The following SGCZ variants were observed in gnomAD, a reference collection of about 807,000 sequenced individuals.
SGCZ encodes the protein zeta-sarcoglycan.
A neutral mutation model predicts 41.3 loss-of-function variants in SGCZ; 40 were observed. The ratio of observed to expected loss-of-function variants is 0.97; its 90% CI spans 0.75 to 1.26. The LOEUF is 1.26. Ranked by LOEUF, SGCZ falls within the 50% of genes most tolerant of loss-of-function variation. The probability of loss-of-function intolerance (pLI) is 0.00; values close to 1 mark genes in which losing one functional copy is unlikely to be tolerated. For synonymous variants in SGCZ, 206 were observed against 137.5 expected, an observed-to-expected ratio of 1.50 and a Z score of -3.49; for missense variants, 552 against 369.8, an observed-to-expected ratio of 1.49 and a Z score of -4.04.
Position 14,339,233 on chromosome 8 carries a change from G to A in SGCZ, c.235-15029C>T, listed in dbSNP as rs573774581. On this transcript the variant is annotated intron_variant, in intron 2 of 7. Coordinates refer to ENST00000382080, the MANE Select transcript of SGCZ (RefSeq NM_139167.4). ...AGTATTTGTAAACAACAGTAATTGTGTGTAATCGCTCAAGGCCAGACAAAT... is the reference window on the plus strand; with the variant it reads ...AGTATTTGTAAACAACAGTAATTGTATGTAATCGCTCAAGGCCAGACAAAT... Among the ~76,000 whole-genome samples, 21 of 152,250 alleles carry A rather than the reference G, an allele frequency of 1.4e-4. No homozygotes were observed. In the South Asian group the frequency reaches 2.9e-3, roughly 21 times the overall value.
intron 3 of SGCZ, among the ~76,000 whole-genome samples, chr8:14,283,665 T>C (rs146632424): frequency 4.6e-5 from 7 of 152,314 alleles, no homozygotes; most frequent in African/African-American, 1.7e-4. Flanking sequence ...ATTTTGAACA[T>C]TGCAGAGATA....
intron 1 of SGCZ, among the ~76,000 whole-genome samples, chr8:15,021,810 A>G (rs1803259331): frequency 6.6e-6 from 1 of 152,194 alleles, no homozygotes; most frequent in Non-Finnish European, 1.5e-5. Flanking sequence ...CTGGAACTTA[A>G]AAATTAGCAT....
chr8:14,111,496 CAT>C (rs1802371304), intron 5 of SGCZ, among the ~76,000 whole-genome samples: 1 of 152,110 alleles, frequency 6.6e-6, no homozygotes, highest in South Asian at 2.1e-4. Flanking sequence ...AACAGAGACA[CAT>C]ATTAATATGT....
intron 3 of SGCZ, among the ~76,000 whole-genome samples, chr8:14,256,734 G>C (rs922454466): frequency 6.6e-6 from 1 of 152,064 alleles, no homozygotes; most frequent in Non-Finnish European, 1.5e-5. Flanking sequence ...TAATCTGTTT[G>C]TCTCATTTCT....
chr8:14,632,206 A>G lies in SGCZ; in HGVS notation c.40-77280T>C, dbSNP rs183644945. ...GCTAATTTTTAAGATTTTTTTTTAT[A>G]GAGACAAGGTCTCCCTATGTTGCCC... On this transcript the variant is annotated intron_variant, in intron 1 of 7. Coordinates refer to ENST00000382080, the MANE Select transcript of SGCZ (RefSeq NM_139167.4). Among the ~76,000 whole-genome samples the G allele has an allele frequency of 5.1e-3, 770 of 151,878 alleles. 9 individuals are homozygous for G. Among genetic ancestry groups the G allele is most frequent in the African/African-American group, 0.018 (738 of 41,464 alleles).
At chr8:14,934,922 C>G (rs534815067) in intron 1 of SGCZ, among the ~76,000 whole-genome samples, 38 of 148,470 alleles carry the variant, frequency 2.6e-4, no homozygotes, top group African/African-American at 8.5e-4. Flanking sequence ...TCTCCCAGTA[C>G]TGAAAAAAAA....
chr8:14,663,542 A>C (rs1411454063), intron 1 of SGCZ, among the ~76,000 whole-genome samples: 1 of 152,168 alleles, frequency 6.6e-6, no homozygotes, highest in Non-Finnish European at 1.5e-5. Flanking sequence ...TCTGTAAATG[A>C]AAATAATAAG....
intron 2 of SGCZ, among the ~76,000 whole-genome samples, chr8:14,408,558 C>G (rs915149357): frequency 2.6e-5 from 4 of 152,120 alleles, no homozygotes; most frequent in Non-Finnish European, 5.9e-5. Context: ...GGTCGCAATT[C>G]TTTTCCACAG....
intron 1 of SGCZ, among the ~76,000 whole-genome samples, chr8:15,150,397 C>T (rs1799145067): frequency 1.3e-5 from 2 of 152,138 alleles, no homozygotes; most frequent in Admixed American, 1.3e-4. Context: ...CTCAGTTTCT[C>T]CATTGAAAAG....
intron 5 of SGCZ, among the ~76,000 whole-genome samples, chr8:14,114,381 T>A (rs117370290): frequency 2.0e-3 from 302 of 152,098 alleles, no homozygotes; most frequent in Non-Finnish European, 3.7e-3. Context: ...CCAAAGTGAT[T>A]TTTTTCTAGT....
At chr8:14,506,113 G>A (rs1361851045) in intron 2 of SGCZ, among the ~76,000 whole-genome samples, 4 of 151,848 alleles carry the variant, frequency 2.6e-5, no homozygotes, top group Non-Finnish European at 4.4e-5. Flanking sequence ...CGAGGCAGGC[G>A]GATCATGAGG....
At chr8:14,805,753 C>G (rs1166282516) in intron 1 of SGCZ, among the ~76,000 whole-genome samples, 1 of 152,058 alleles carries the variant, frequency 6.6e-6, no homozygotes, top group African/African-American at 2.4e-5. Context: ...ACAGAACTCT[C>G]CACCCCAAAT....
At chr8:15,205,080 G>A (rs940302859) in intron 1 of SGCZ, among the ~76,000 whole-genome samples, 1 of 152,074 alleles carries the variant, frequency 6.6e-6, no homozygotes, top group Non-Finnish European at 1.5e-5. Context: ...AGGTTGTCAT[G>A]CCAGTTCATG....
At chr8:14,379,647 T>C (rs1316589785) in intron 2 of SGCZ, among the ~76,000 whole-genome samples, 1 of 152,124 alleles carries the variant, frequency 6.6e-6, no homozygotes, top group East Asian at 1.9e-4. Flanking sequence ...AAGCATGTAA[T>C]AATAGGCAAA....
intron 1 of SGCZ, among the ~76,000 whole-genome samples, chr8:15,179,143 T>C (rs1800086002): frequency 6.6e-6 from 1 of 152,192 alleles, no homozygotes; most frequent in Non-Finnish European, 1.5e-5. Context: ...TTTAATAGTC[T>C]AGAGATATCA....
intron 1 of SGCZ, among the ~76,000 whole-genome samples, chr8:14,913,645 T>A (rs900159967): frequency 3.3e-5 from 5 of 152,116 alleles, no homozygotes; most frequent in African/African-American, 1.2e-4. Flanking sequence ...ATTTTCATGA[T>A]CCTTAGAAAA....
At chr8:14,112,830 C>G (rs1001249391) in intron 5 of SGCZ, among the ~76,000 whole-genome samples, 1 of 152,034 alleles carries the variant, frequency 6.6e-6, no homozygotes, top group Non-Finnish European at 1.5e-5. Context: ...AATAACTCTT[C>G]TCATTCCTCC....
intron 2 of SGCZ, among the ~76,000 whole-genome samples, chr8:14,432,696 C>T (rs1228699507): frequency 8.6e-5 from 13 of 151,910 alleles, no homozygotes; most frequent in Admixed American, 8.5e-4. Flanking sequence ...GGCCGATCAC[C>T]TGAGGTCGGG....
At chr8:14,685,318 A>T (rs1020534720) in intron 1 of SGCZ, among the ~76,000 whole-genome samples, 1 of 152,132 alleles carries the variant, frequency 6.6e-6, no homozygotes, top group African/African-American at 2.4e-5. Flanking sequence ...AAAAAAGATT[A>T]AAAAATTCTC....
Sources: gnomAD v4.1 joint callset for allele counts (sites outside exome capture counted in the v4.1 genomes callset) on GRCh38, gnomAD v4.1.1 for gene constraint, MANE v1.5 for transcripts, NCBI Gene and HGNC (gene_info 2026-07-23, HGNC 2026-07-21) for gene names.